Variants in FOXN3 observed in about 807,000 individuals in gnomAD.
FOXN3 encodes forkhead box N3, also known as forkhead box protein N3.
In FOXN3, 7 loss-of-function variants were observed where a neutral mutation model predicts 38.4. The observed-to-expected ratio is 0.18, with a 90% CI of 0.10 to 0.34. The LOEUF is 0.34. FOXN3 is among the 10% of genes least tolerant of loss of function. FOXN3 has a pLI of 1.00. For missense variants in FOXN3, 456 were observed against 613.4 expected (o/e 0.74, Z 2.71); for synonymous variants, 230 against 242.2 (o/e 0.95, Z 0.47).
intron 1 of FOXN3, among the ~76,000 whole-genome samples, chr14:89,543,660 G>C (rs979030067): frequency 6.6e-6 from 1 of 152,202 alleles, no homozygotes; most frequent in African/African-American, 2.4e-5. Flanking sequence ...ACTACACAAA[G>C]TAAGCTCTTC....
intron 1 of FOXN3, among the ~76,000 whole-genome samples, chr14:89,607,558 T>TA (rs754121458): frequency 0.024 from 2,922 of 122,040 alleles, 60 homozygotes; most frequent in African/African-American, 0.057. Flanking sequence ...GACCGTGTCT[T>TA]AAAAAAAAAA....
chr14:89,315,529 T>C (rs2139965294), intron 3 of FOXN3, among the ~76,000 whole-genome samples: 1 of 152,084 alleles, frequency 6.6e-6, no homozygotes, highest in South Asian at 2.1e-4. Context: ...TTCCCCGAAC[T>C]CTCCTCCATG....
At chr14:89,508,504 C>T (rs1470710955) in intron 1 of FOXN3, among the ~76,000 whole-genome samples, 1 of 152,168 alleles carries the variant, frequency 6.6e-6, no homozygotes, top group Non-Finnish European at 1.5e-5. Context: ...ATGGGGAAAG[C>T]GGTGTTGAAA....
chr14:89,409,895 A>T (rs9323840), intron 2 of FOXN3, among the ~76,000 whole-genome samples: 151,827 of 152,298 alleles, frequency 1, 75,682 homozygotes, highest in Middle Eastern at 1. Flanking sequence ...TTCATGGTCA[A>T]GGAAATTCCT....
intron 4 of FOXN3, among the ~76,000 whole-genome samples, chr14:89,258,708 AAAT>A (rs1426615744): frequency 6.6e-6 from 1 of 152,242 alleles, no homozygotes; most frequent in African/African-American, 2.4e-5. Context: ...CTTTACCTTC[AAAT>A]GTCTTCTTCA....
chr14:89,222,398 T>C (rs890389281), intron 4 of FOXN3, among the ~76,000 whole-genome samples: 1 of 152,148 alleles, frequency 6.6e-6, no homozygotes, highest in Non-Finnish European at 1.5e-5. Context: ...GAAAGACGCT[T>C]ACATATATTA....
chr14:89,504,111 T>C (rs1893858717), intron 1 of FOXN3, among the ~76,000 whole-genome samples: 1 of 152,200 alleles, frequency 6.6e-6, no homozygotes, highest in Non-Finnish European at 1.5e-5. Context: ...CCCAGCTAGC[T>C]TTGCTCATCC....
chr14:89,544,283 C>T (rs1188266654), intron 1 of FOXN3, among the ~76,000 whole-genome samples: 7 of 151,230 alleles, frequency 4.6e-5, no homozygotes, highest in East Asian at 1.9e-4. Context: ...CCTCGTGATC[C>T]GCCCACCTCG....
intron 4 of FOXN3, among the ~76,000 whole-genome samples, chr14:89,229,385 C>T (rs1211938587): frequency 6.6e-6 from 1 of 152,170 alleles, no homozygotes; most frequent in Non-Finnish European, 1.5e-5. Flanking sequence ...GCTCTTGCCA[C>T]TCTGACCACG....
intron 3 of FOXN3, among the ~76,000 whole-genome samples, chr14:89,341,653 A>G (rs1177576014): frequency 6.6e-6 from 1 of 152,200 alleles, no homozygotes. Context: ...ATGTGCTAAC[A>G]GGTTTTTATT....
intron 1 of FOXN3, among the ~76,000 whole-genome samples, chr14:89,579,078 G>C (rs1895692047): frequency 1.3e-5 from 2 of 151,514 alleles, no homozygotes; most frequent in Admixed American, 1.3e-4. Flanking sequence ...TCAAACTCTT[G>C]GCCTCAAGTG....
chr14:89,414,282 G>C (rs970921989), intron 1 of FOXN3, among the ~76,000 whole-genome samples: 3 of 149,364 alleles, frequency 2.0e-5, no homozygotes, highest in African/African-American at 7.4e-5. Flanking sequence ...GGGCAACAGA[G>C]GGAGACCCTG....
intron 3 of FOXN3, among the ~76,000 whole-genome samples, chr14:89,333,994 A>G (rs866895596): frequency 3.2e-5 from 2 of 62,486 alleles, no homozygotes; most frequent in African/African-American, 1.1e-4. Flanking sequence ...ATATATATAT[A>G]TATATATATA....
At chr14:89,454,243 G>A (rs563856328) in intron 1 of FOXN3, among the ~76,000 whole-genome samples, 2 of 152,204 alleles carry the variant, frequency 1.3e-5, no homozygotes, top group Non-Finnish European at 2.9e-5. Context: ...GGCGGAGGTT[G>A]CAGTGAGCCG....
At chr14:89,573,283 T>C (rs1019219640) in intron 1 of FOXN3, among the ~76,000 whole-genome samples, 1 of 152,178 alleles carries the variant, frequency 6.6e-6, no homozygotes, top group African/African-American at 2.4e-5. Context: ...CCGAAGCAGA[T>C]ATGGTCTGAA....
chr14:89,502,140 C>T lies in FOXN3; in HGVS notation c.-14-89650G>A, dbSNP rs537759600. 4.6e-5 allele frequency among the ~76,000 whole-genome samples: 7 copies of T among 152,134 alleles called. No individual in the cohort carries two copies. The South Asian group carries it at 6.2e-4, about 14-fold the overall frequency. ...CCTAGATCCCACATTCCAGCCTGGG[C>T]GACAAAGCAAGACTCCACCTCAAAA... On this transcript the variant is annotated intron_variant, in intron 1 of 6. Coordinates refer to the FOXN3 transcript ENST00000345097.
chr14:89,353,325 C>T (rs1007082225), intron 2 of FOXN3: 2 of 152,180 alleles, frequency 1.3e-5, no homozygotes, highest in Non-Finnish European at 2.9e-5. Context: ...TCCTTTTGGA[C>T]ACAAGAAAGA....
At chr14:89,455,672 G>A (rs1223077194) in intron 1 of FOXN3, among the ~76,000 whole-genome samples, 2 of 152,184 alleles carry the variant, frequency 1.3e-5, no homozygotes, top group Non-Finnish European at 2.9e-5. Flanking sequence ...GGACCTGAGG[G>A]CTGAGTGGGT....
chr14:89,242,197 C>T (rs1250744680), intron 4 of FOXN3, among the ~76,000 whole-genome samples: 1 of 152,254 alleles, frequency 6.6e-6, no homozygotes, highest in African/African-American at 2.4e-5. Flanking sequence ...ACGAGTGGTG[C>T]CCGCGTTCCT....
Sources: gnomAD v4.1 joint callset for allele counts (sites outside exome capture counted in the v4.1 genomes callset) on GRCh38, gnomAD v4.1.1 for gene constraint, MANE v1.5 for transcripts, NCBI Gene and HGNC (gene_info 2026-07-23, HGNC 2026-07-21) for gene names.